AGO2: variants seen among roughly 807,000 people sequenced by gnomAD.
AGO2 encodes protein argonaute-2.
A neutral mutation model predicts 102.3 loss-of-function variants in AGO2; 5 were observed. The ratio of observed to expected loss-of-function variants is 0.05; its 90% confidence interval spans 0.03 to 0.10. AGO2 has a LOEUF of 0.10. Ranked by LOEUF, AGO2 falls within the 10% of genes least tolerant of loss-of-function variation. The probability of loss-of-function intolerance (pLI) is 1.00; values close to 1 mark genes in which losing one functional copy is unlikely to be tolerated. For synonymous variants in AGO2, 449 were observed against 473.1 expected (o/e 0.95, Z 0.66); for missense variants, 541 against 1,183.7 (o/e 0.46, Z 7.97).
chr8:140,544,285 C>G lies in AGO2; in HGVS notation c.1767G>C (p.Gln589His), dbSNP rs767236270. ...LPQGRPPVFQ[Q>H]PVIFLGADVT... ...CGTCTGCTCCCAGAAAGATGACGGG[C>G]TGCTGGAACACCGGCGGCCTGCGGA... Residue 589 changes from glutamine to histidine, a missense_variant, in exon 14 of 19, where the codon CAG becomes CAC. Gln to His is a conservative substitution (Grantham distance 24). Around this residue, in one of 6 missense-constraint regions of AGO2, gnomAD observed 309 missense variants for 735.1 expected, o/e 0.42. Coordinates refer to ENST00000220592, the MANE Select transcript of AGO2 (RefSeq NM_012154.5). The G allele has an allele frequency of 1.2e-6, 2 of 1,603,226 alleles. No homozygotes were observed. Among genetic ancestry groups the G allele is most frequent in the Non-Finnish European group, 8.5e-7 (1 of 1,175,634 alleles).
At chr8:140,552,732 G>A (rs1050132503) in intron 10 of AGO2, among the ~76,000 whole-genome samples, 3 of 121,104 alleles carry the variant, frequency 2.5e-5, no homozygotes, top group African/African-American at 3.6e-5. Flanking sequence ...ACATGCACGC[G>A]CGCGCGCGCA....
At chr8:140,618,057 A>C (rs1444064671) in intron 1 of AGO2, among the ~76,000 whole-genome samples, 1 of 151,934 alleles carries the variant, frequency 6.6e-6, no homozygotes, top group East Asian at 1.9e-4. Flanking sequence ...TAATCCCAGC[A>C]CTTTGGGAGG....
chr8:140,617,800 T>G (rs1046711690), intron 1 of AGO2, among the ~76,000 whole-genome samples: 3 of 151,322 alleles, frequency 2.0e-5, no homozygotes, highest in Non-Finnish European at 4.4e-5. Context: ...CAGGACTGCT[T>G]GAGCCCAGGC....
At chr8:140,601,212 C>A (rs548812402) in intron 1 of AGO2, among the ~76,000 whole-genome samples, 1 of 152,344 alleles carries the variant, frequency 6.6e-6, no homozygotes, top group South Asian at 2.1e-4. Context: ...CGCTCCTGCC[C>A]CAGGGCCTTT....
chr8:140,539,562 G>A lies in AGO2; in HGVS notation c.2035-108C>T. 7.5e-7 allele frequency: 1 copy of A among 1,329,220 alleles called. No individual in the cohort carries two copies. Among genetic ancestry groups the A allele is most frequent in the South Asian group, 1.4e-5 (1 of 71,788 alleles). 82.3% of individuals were successfully genotyped at this position (1,329,220 alleles called of 1,614,324 possible). On this transcript the variant is annotated intron_variant, in intron 15 of 18. Transcript: ENST00000220592. The surrounding 1 kb of genome is among the most constrained non-coding windows in gnomAD (Gnocchi z 4.7). Reference sequence around the variant, plus strand: ...GAACACCCAGCCGTGGTGATTCTGAGAGACAATGAGTGTGTTCACGGGGAG... The same window carrying A: ...GAACACCCAGCCGTGGTGATTCTGAAAGACAATGAGTGTGTTCACGGGGAG...
intron 3 of AGO2, among the ~76,000 whole-genome samples, chr8:140,570,876 A>T (rs528952665): frequency 2.0e-5 from 3 of 152,308 alleles, no homozygotes; most frequent in South Asian, 4.1e-4. Context: ...ATCAAATACC[A>T]TATAGACGCC....
At chr8:140,607,863 C>T (rs906332433) in intron 1 of AGO2, among the ~76,000 whole-genome samples, 3 of 152,028 alleles carry the variant, frequency 2.0e-5, no homozygotes, top group South Asian at 2.1e-4. Context: ...TGGAGTGATG[C>T]GCGCCCAACA....
chr8:140,569,254 C>A (rs998468907), intron 3 of AGO2, among the ~76,000 whole-genome samples: 1 of 152,260 alleles, frequency 6.6e-6, no homozygotes, highest in Non-Finnish European at 1.5e-5. Context: ...CCAAGGTACA[C>A]TGCTTCCAGG....
intron 14 of AGO2, among the ~76,000 whole-genome samples, chr8:140,542,841 G>T (rs1048291028): frequency 2.6e-5 from 4 of 152,228 alleles, no homozygotes; most frequent in Non-Finnish European, 5.9e-5. Context: ...GGAAAGGGCT[G>T]AAAATGGCTC....
intron 1 of AGO2, among the ~76,000 whole-genome samples, chr8:140,617,610 G>A (rs950630347): frequency 7.9e-5 from 12 of 152,192 alleles, no homozygotes; most frequent in African/African-American, 2.9e-4. Context: ...TGTCGGTCAC[G>A]CAGCTGGTAG....
chr8:140,607,162 T>C (rs1369603575), intron 1 of AGO2, among the ~76,000 whole-genome samples: 1 of 151,286 alleles, frequency 6.6e-6, no homozygotes, highest in Admixed American at 6.6e-5. Context: ...GGCAGGAGAA[T>C]CGCTTGAAGC....
At chr8:140,544,738 G>T (rs1403322588) in intron 13 of AGO2, among the ~76,000 whole-genome samples, 1 of 152,214 alleles carries the variant, frequency 6.6e-6, no homozygotes, top group Non-Finnish European at 1.5e-5. Context: ...GACGCTGAGA[G>T]GCCTCCACTC....
At chr8:140,565,577 G>C (rs2073270144) in intron 3 of AGO2, among the ~76,000 whole-genome samples, 1 of 151,676 alleles carries the variant, frequency 6.6e-6, no homozygotes, top group African/African-American at 2.4e-5. Flanking sequence ...GGAGGTGAAG[G>C]TTGCAGTGAG....
chr8:140,600,865 G>A (rs1365064428), intron 1 of AGO2, among the ~76,000 whole-genome samples: 2 of 151,708 alleles, frequency 1.3e-5, no homozygotes, highest in African/African-American at 4.8e-5. Context: ...CGGGGAGGTG[G>A]AGGTTGCAGT....
intron 1 of AGO2, chr8:140,605,831 G>C (rs1256687727): frequency 6.6e-6 from 1 of 152,278 alleles, no homozygotes; most frequent in African/African-American, 2.4e-5. Flanking sequence ...CCAGGGGCCA[G>C]GTGAGAATGG....
rs1417407371 is a variant in AGO2, at chr8:140,595,843, ATAT to A, written c.23-10535_23-10533del. Reference sequence around the variant, plus strand: ...ATATTTATATTATATACAATTGTATATATTATATTTATATTATATACAATTGTA... The same window carrying A: ...ATATTTATATTATATACAATTGTATATATATTTATATTATATACAATTGTA... On this transcript the variant is annotated intron_variant, in intron 1 of 18. Transcript: ENST00000220592. 5.3e-3 allele frequency among the ~76,000 whole-genome samples: 150 copies of A among 28,090 alleles called. 2 individuals carry two copies. The highest frequency in any genetic ancestry group is 0.011 in the South Asian group (17 of 1,538). The allele number at this position is 28,090 out of a possible 152,430, so 18.4% of individuals were successfully genotyped here. A position where few individuals can be genotyped will look rare whatever the true frequency, so the allele number is the denominator to read the frequency against.
intron 13 of AGO2, among the ~76,000 whole-genome samples, chr8:140,544,932 C>G (rs549500599): frequency 2.0e-5 from 3 of 152,290 alleles, no homozygotes; most frequent in African/African-American, 7.2e-5. Flanking sequence ...CTCGGGCTCT[C>G]CGGGGAAAGG....
intron 13 of AGO2, among the ~76,000 whole-genome samples, chr8:140,546,273 G>C (rs887846309): frequency 6.6e-6 from 1 of 152,198 alleles, no homozygotes; most frequent in African/African-American, 2.4e-5. Context: ...TGAATTCAAC[G>C]GACTGTTTCT....
intron 13 of AGO2, among the ~76,000 whole-genome samples, chr8:140,546,353 A>G (rs913400502): frequency 5.9e-5 from 9 of 152,200 alleles, no homozygotes; most frequent in Non-Finnish European, 1.2e-4. Context: ...GTGTCCGTCC[A>G]CTTGCTAGGG....
Sources: gnomAD v4.1 joint callset for allele counts (sites outside exome capture counted in the v4.1 genomes callset) on GRCh38, gnomAD v4.1.1 for gene constraint, gnomAD v4.1.1 regional missense constraint, Gnocchi (gnomAD v3.1) non-coding constraint, MANE v1.5 for transcripts, NCBI Gene and HGNC (gene_info 2026-07-23, HGNC 2026-07-21) for gene names.